The following SLC25A16 variants were observed in gnomAD, a reference collection of about 807,000 sequenced individuals.
SLC25A16 encodes mitochondrial coenzyme A transporter SLC25A16.
SLC25A16 carries 39 observed loss-of-function variants against 41.5 expected under a neutral mutation model. The observed-to-expected ratio is 0.94, with a 90% CI of 0.73 to 1.23. The LOEUF (loss-of-function observed/expected upper bound fraction) is 1.23, where lower values mean the gene tolerates loss of function less well. Ranked by LOEUF, SLC25A16 falls within the 50% of genes most tolerant of loss-of-function variation. SLC25A16 has a pLI of 0.00. For synonymous variants in SLC25A16, 146 were observed against 147.8 expected (o/e 0.99, Z 0.09); for missense variants, 421 against 426.9 (o/e 0.99, Z 0.12).
At chr10:68,518,094 G>C (rs1380559427) in intron 1 of SLC25A16, 1 of 152,082 alleles carries the variant, frequency 6.6e-6, no homozygotes. Flanking sequence ...CTTCGCTCCA[G>C]CCTAGATAAC....
chr10:68,513,721 C>T (rs932705905), intron 2 of SLC25A16, among the ~76,000 whole-genome samples: 1 of 152,006 alleles, frequency 6.6e-6, no homozygotes, highest in South Asian at 2.1e-4. Flanking sequence ...GAAACCCCAT[C>T]TCTAGTAAAA....
chr10:68,484,120 A>ATATT, intron 8 of SLC25A16, among the ~76,000 whole-genome samples: 1 of 152,282 alleles, frequency 6.6e-6, no homozygotes, highest in Middle Eastern at 3.4e-3. Flanking sequence ...TTAGTACAAC[A>ATATT]TATTTTGTTT....
intron 8 of SLC25A16, among the ~76,000 whole-genome samples, chr10:68,486,199 C>T (rs1236339859): frequency 9.4e-6 from 1 of 105,956 alleles, no homozygotes; most frequent in Admixed American, 1.1e-4. Context: ...GCCTGGGGGA[C>T]AAGAGTGAGA....
Position 68,527,227 on chromosome 10 carries a change from C to T in SLC25A16, c.130+19G>A, listed in dbSNP as rs971674790. 1 of 1,545,068 alleles carries T rather than the reference C, an allele frequency of 6.5e-7. No homozygotes were observed. Among genetic ancestry groups the T allele is most frequent in the African/African-American group, 1.4e-5 (1 of 71,852 alleles). Reference sequence around the variant, plus strand: ...CCCGCCACTCAGAGCGCGGCTGGCTCTTCGTGGCATGGACCCACCTCCGGC... The same window carrying T: ...CCCGCCACTCAGAGCGCGGCTGGCTTTTCGTGGCATGGACCCACCTCCGGC... On this transcript the variant is annotated intron_variant, in intron 1 of 8. Coordinates refer to ENST00000609923, the MANE Select transcript of SLC25A16 (RefSeq NM_152707.4).
chr10:68,487,031 C>A (rs2052576028), intron 8 of SLC25A16, 113 bp downstream of exon 8: 2 of 610,944 alleles, frequency 3.3e-6, no homozygotes, highest in East Asian at 6.7e-5. Flanking sequence ...AAATAAACTT[C>A]GGGAGATAAA....
At chr10:68,488,044 G>T (rs2052593647) in intron 7 of SLC25A16, among the ~76,000 whole-genome samples, 1 of 152,078 alleles carries the variant, frequency 6.6e-6, no homozygotes, top group Admixed American at 6.6e-5. Context: ...GTAAAGACGG[G>T]TTTTCACCAT....
At chr10:68,509,702 C>CA (rs147491161) in intron 2 of SLC25A16, among the ~76,000 whole-genome samples, 10,767 of 138,850 alleles carry the variant, frequency 0.078, 541 homozygotes, top group African/African-American at 0.15. Flanking sequence ...GACCATGTCT[C>CA]AAAAAAAAAA....
rs1425216530 is a variant in SLC25A16, at chr10:68,488,507, G to A, written c.733C>T (p.Leu245Phe). Residue 245 changes from leucine (L) to phenylalanine (F), a missense_variant, in exon 7 of 9, where the codon CTT (leucine) becomes TTT (phenylalanine). By Grantham distance (22) the Leu-to-Phe change is conservative. Coordinates refer to ENST00000609923, the MANE Select transcript of SLC25A16 (RefSeq NM_152707.4). ...VLVLKTHVNLLCGGVAGAIAQ... is the reference protein window; with the variant it reads ...VLVLKTHVNLFCGGVAGAIAQ... ...ATTGCTCCAGCAACACCACCACAAA[G>A]TAAGTTTACATGAGTTTTCAAAACT... 6.4e-7 allele frequency: 1 copy of A among 1,570,818 alleles called. No homozygotes were observed. The highest frequency in any genetic ancestry group is 8.6e-7 in the Non-Finnish European group (1 of 1,167,572).
chr10:68,524,829 A>T (rs1049463887), intron 1 of SLC25A16, among the ~76,000 whole-genome samples: 1 of 151,938 alleles, frequency 6.6e-6, no homozygotes, highest in South Asian at 2.1e-4. Flanking sequence ...GTGAGCAGAG[A>T]TCGTGCCGCT....
intron 4 of SLC25A16, among the ~76,000 whole-genome samples, chr10:68,499,275 G>C (rs1414366361): frequency 6.6e-6 from 1 of 152,200 alleles, no homozygotes; most frequent in Admixed American, 6.6e-5. Context: ...CAATCACCAA[G>C]CTTTGGACCG....
intron 8 of SLC25A16, among the ~76,000 whole-genome samples, chr10:68,484,896 C>A (rs962298255): frequency 6.6e-6 from 1 of 152,138 alleles, no homozygotes; most frequent in African/African-American, 2.4e-5. Flanking sequence ...ACAATCACAG[C>A]AGCCACTAGC....
At chr10:68,517,377 T>C (rs780135180) in intron 1 of SLC25A16, 23 of 347,354 alleles carry the variant, frequency 6.6e-5, no homozygotes, top group Non-Finnish European at 8.9e-5. Context: ...GGGAAAAGTA[T>C]AGATGAAAGT....
chr10:68,483,395 T>G lies in SLC25A16; in HGVS notation c.*37A>C. 2 of 1,342,428 alleles carry G rather than the reference T, an allele frequency of 1.5e-6. No individual in the cohort carries two copies. Among genetic ancestry groups the G allele is most frequent in the Non-Finnish European group, 2.1e-6 (2 of 968,674 alleles). 83.2% of individuals were successfully genotyped at this position (1,342,428 alleles called of 1,614,324 possible). On this transcript the variant is annotated 3_prime_UTR_variant, in exon 9 of 9. Coordinates refer to ENST00000609923, the MANE Select transcript of SLC25A16 (RefSeq NM_152707.4). ...TATAGTAATGTTTCATTTCTCCCTC[T>G]GAGAATGTATTAAGAAAAACCAACC...
intron 4 of SLC25A16, among the ~76,000 whole-genome samples, chr10:68,500,323 A>T (rs1360065791): frequency 1.3e-5 from 2 of 152,118 alleles, no homozygotes; most frequent in African/African-American, 4.8e-5. Context: ...ACTTAAACAT[A>T]TTTATACAAA....
rs749049037 is a variant in SLC25A16 at position 68,527,242 on chromosome 10, C to A, written c.130+4G>T. On this transcript the variant is annotated splice_donor_region_variant and intron_variant, in intron 1 of 8. Transcript: ENST00000609923. ...GCGGCTGGCTCTTCGTGGCATGGAC[C>A]CACCTCCGGCCAGAAAGGAGCGCAG... The A allele has an allele frequency of 3.9e-6, 6 of 1,547,666 alleles. No homozygotes were observed. The highest frequency in any genetic ancestry group is 5.2e-6 in the Non-Finnish European group (6 of 1,145,554).
chr10:68,498,586 C>T (rs960121289), intron 4 of SLC25A16, among the ~76,000 whole-genome samples: 6 of 152,128 alleles, frequency 3.9e-5, no homozygotes, highest in Non-Finnish European at 8.8e-5. Flanking sequence ...GTCCTGGTTA[C>T]CCAGGAGGCT....
intron 4 of SLC25A16, chr10:68,500,043 AG>A: frequency 3.4e-6 from 1 of 291,004 alleles, no homozygotes; most frequent in Non-Finnish European, 6.7e-6. Context: ...CTCAATCTTT[AG>A]GTTTCCTTTT....
intron 3 of SLC25A16, 44 bp from the exon 4 acceptor site, chr10:68,503,739 G>T: frequency 1.7e-6 from 2 of 1,184,746 alleles, no homozygotes; most frequent in Non-Finnish European, 2.5e-6. Context: ...TTTTTTAAAT[G>T]CTGCCCATTT....
At chr10:68,513,611 C>T (rs1470965554) in intron 2 of SLC25A16, among the ~76,000 whole-genome samples, 1 of 151,938 alleles carries the variant, frequency 6.6e-6, no homozygotes, top group African/African-American at 2.4e-5. Flanking sequence ...GCACAGTGCC[C>T]GCGCGTGGTG....
Sources: gnomAD v4.1 joint callset for allele counts (sites outside exome capture counted in the v4.1 genomes callset) on GRCh38, gnomAD v4.1.1 for gene constraint, MANE v1.5 for transcripts, NCBI Gene and HGNC (gene_info 2026-07-23, HGNC 2026-07-21) for gene names.